Variants in SLC25A17 observed in about 807,000 individuals in gnomAD.
SLC25A17 encodes the protein peroxisomal membrane protein PMP34.
SLC25A17 carries 26 observed loss-of-function variants against 38.5 expected under a neutral mutation model. That is an observed-to-expected ratio of 0.68 (90% CI 0.50 to 0.94). The LOEUF is 0.94. Among genes scored for constraint, SLC25A17 ranks in the 40% least tolerant of loss-of-function variants. SLC25A17 has a pLI of 0.00. For synonymous variants in SLC25A17, 139 were observed against 136.2 expected (o/e 1.02, Z -0.14); for missense variants, 333 against 372.7 (o/e 0.89, Z 0.88).
At chr22:40,776,156 A>T in intron 7 of SLC25A17, 2 of 304,978 alleles carry the variant, frequency 6.6e-6, no homozygotes, top group Admixed American at 5.0e-5. Flanking sequence ...TTCTTTTTTC[A>T]ATTTGTAATT....
intron 1 of SLC25A17, among the ~76,000 whole-genome samples, chr22:40,811,847 G>A (rs922007130): frequency 2.0e-5 from 3 of 152,002 alleles, no homozygotes; most frequent in Non-Finnish European, 2.9e-5. Context: ...CAACACTGGG[G>A]GTCACATTTC....
intron 8 of SLC25A17, among the ~76,000 whole-genome samples, chr22:40,773,454 T>A (rs915141668): frequency 4.0e-5 from 6 of 150,256 alleles, no homozygotes; most frequent in African/African-American, 1.5e-4. Flanking sequence ...TACCTATGTG[T>A]AGCCTCTAGG....
intron 2 of SLC25A17, among the ~76,000 whole-genome samples, chr22:40,796,426 G>A (rs2057430004): frequency 6.6e-6 from 1 of 151,278 alleles, no homozygotes; most frequent in Non-Finnish European, 1.5e-5. Context: ...ATCACCTGAG[G>A]TCAGGAGTTC....
intron 1 of SLC25A17, among the ~76,000 whole-genome samples, chr22:40,804,974 G>A (rs892821967): frequency 1.3e-5 from 2 of 151,648 alleles, no homozygotes; most frequent in Non-Finnish European, 2.9e-5. Context: ...GGTGAGGAAA[G>A]AAAGAGAAGG....
intron 1 of SLC25A17, among the ~76,000 whole-genome samples, chr22:40,808,851 T>C (rs1487669813): frequency 6.6e-6 from 1 of 152,248 alleles, no homozygotes; most frequent in African/African-American, 2.4e-5. Flanking sequence ...CATTATGAAA[T>C]AATAAAATGC....
chr22:40,773,909 C>T (rs1397686010), intron 8 of SLC25A17, 28 bp downstream of exon 8: 12 of 1,462,984 alleles, frequency 8.2e-6, no homozygotes, highest in Middle Eastern at 1.7e-4. Context: ...AAGGAGAGCA[C>T]GGAATGTGAG....
At chr22:40,809,327 TA>T (rs1013820620) in intron 1 of SLC25A17, among the ~76,000 whole-genome samples, 1 of 151,550 alleles carries the variant, frequency 6.6e-6, no homozygotes, top group African/African-American at 2.4e-5. Context: ...CACATCTCTT[TA>T]AAAAAACAAA....
At chr22:40,812,500 G>A (rs1260583995) in intron 1 of SLC25A17, among the ~76,000 whole-genome samples, 2 of 152,054 alleles carry the variant, frequency 1.3e-5, no homozygotes, top group African/African-American at 2.4e-5. Context: ...AATGATGTTT[G>A]GGTTGGTATA....
intron 1 of SLC25A17, among the ~76,000 whole-genome samples, chr22:40,804,671 T>C (rs1243806528): frequency 2.0e-5 from 3 of 152,224 alleles, no homozygotes; most frequent in African/African-American, 2.4e-5. Context: ...TCCTATTGTA[T>C]AGGTTGTCTC....
chr22:40,816,609 G>GTTTT (rs55809010), intron 1 of SLC25A17, among the ~76,000 whole-genome samples: 5 of 137,970 alleles, frequency 3.6e-5, no homozygotes, highest in African/African-American at 5.4e-5. Flanking sequence ...ATTTTTTATT[G>GTTTT]TTTTTTTTTT....
In SLC25A17 at chr22:40,792,564, A is replaced by C. The variant is rs1305919375; in HGVS notation, c.295T>G (p.Ser99Ala). Residue 99 changes from serine (S) to alanine (A), a missense_variant, in exon 4 of 9, where the codon TCT (serine) becomes GCT (alanine). By Grantham distance (99) the Ser-to-Ala change is moderately conservative. Coordinates refer to ENST00000435456, the MANE Select transcript of SLC25A17 (RefSeq NM_006358.4). Reference sequence around the variant, plus strand: ...ACTACCAGATCTTTTCCAGTGGTAGAATGTTGACCTTTGACCCAGAGTGCT... The same window carrying C: ...ACTACCAGATCTTTTCCAGTGGTAGCATGTTGACCTTTGACCCAGAGTGCT... ...LKALWVKGQH[S>A]TTGKDLVVGF... is the part of the protein sequence containing the mutation. 6.2e-7 allele frequency: 1 copy of C among 1,613,846 alleles called. No homozygotes were observed.
At chr22:40,782,497 C>G (rs1411870728) in intron 4 of SLC25A17, among the ~76,000 whole-genome samples, 1 of 152,172 alleles carries the variant, frequency 6.6e-6, no homozygotes, top group Non-Finnish European at 1.5e-5. Flanking sequence ...TAGAACACAG[C>G]TATTTACTCC....
Position 40,773,661 on chromosome 22 carries a change from G to A in SLC25A17, c.776+276C>T, listed in dbSNP as rs549061557. ...ATGCCACTGATGAAAGCACACTCAGGGTGACTGAAGTATAGAAGGGTTCTC... is the reference window on the plus strand; with the variant it reads ...ATGCCACTGATGAAAGCACACTCAGAGTGACTGAAGTATAGAAGGGTTCTC... On this transcript the variant is annotated intron_variant, in intron 8 of 8. Transcript: ENST00000435456. Among the ~76,000 whole-genome samples, 9 of 152,330 alleles carry A rather than the reference G, an allele frequency of 5.9e-5. No homozygotes were observed. The East Asian group carries it at 1.5e-3, about 26-fold the overall frequency.
rs553861261 is a variant in SLC25A17 at position 40,789,125 on chromosome 22, C to T, written c.334+3400G>A. 3 of 266,048 alleles carry T rather than the reference C, an allele frequency of 1.1e-5. No homozygotes were observed. Among genetic ancestry groups the T allele is most frequent in the African/African-American group, 2.3e-5 (1 of 43,946 alleles). 16.5% of individuals were successfully genotyped at this position (266,048 alleles called of 1,614,324 possible). A position where few individuals can be genotyped will look rare whatever the true frequency, so the allele number is the denominator to read the frequency against. On this transcript the variant is annotated intron_variant, in intron 4 of 8. Coordinates refer to ENST00000435456, the MANE Select transcript of SLC25A17 (RefSeq NM_006358.4). The surrounding 1 kb of genome is among the most constrained non-coding windows in gnomAD (Gnocchi z 4.5). ...CCATAATAAATGCCACTGGATATAT[C>T]GGCTGGCAGATTATCTACCACTTGC... is the stretch of plus-strand genomic sequence containing the variant.
intron 1 of SLC25A17, chr22:40,799,774 G>C (rs1162754246): frequency 1.3e-5 from 2 of 152,124 alleles, no homozygotes; most frequent in African/African-American, 2.4e-5. Flanking sequence ...CAATGTTCAA[G>C]CTTCTACTAT....
intron 1 of SLC25A17, among the ~76,000 whole-genome samples, chr22:40,803,824 T>G (rs1259267491): frequency 1.3e-5 from 2 of 151,778 alleles, no homozygotes; most frequent in Non-Finnish European, 2.9e-5. Context: ...GTTTTTGTTT[T>G]TTTTTTTTTT....
intron 4 of SLC25A17, chr22:40,784,577 A>G: frequency 3.8e-6 from 1 of 264,798 alleles, no homozygotes. Context: ...GTTTGAAACC[A>G]GCCTGGGCAA....
At chr22:40,815,350 T>A (rs1027222590) in intron 1 of SLC25A17, among the ~76,000 whole-genome samples, 1 of 152,104 alleles carries the variant, frequency 6.6e-6, no homozygotes, top group Admixed American at 6.6e-5. Flanking sequence ...GGACAAAGAT[T>A]GAAGGTAGCA....
intron 7 of SLC25A17, among the ~76,000 whole-genome samples, chr22:40,775,865 C>A (rs573542198): frequency 6.6e-6 from 1 of 152,328 alleles, no homozygotes; most frequent in Admixed American, 6.5e-5. Context: ...TTGTAAGTTT[C>A]CTGAGGCCCC....
Sources: allele counts gnomAD v4.1 joint callset (sites outside exome capture counted in the v4.1 genomes callset), GRCh38; gene constraint gnomAD v4.1.1; non-coding constraint Gnocchi (gnomAD v3.1); transcripts MANE v1.5; gene names NCBI Gene and HGNC (gene_info 2026-07-23, HGNC 2026-07-21).